MEIKIN: variants seen among roughly 807,000 people sequenced by gnomAD.
The protein encoded by MEIKIN is meiosis-specific kinetochore protein.
chr5:131,930,966 G>A (rs1278400917), intron 5 of MEIKIN, among the ~76,000 whole-genome samples: 1 of 152,116 alleles, frequency 6.6e-6, no homozygotes, highest in Admixed American at 6.5e-5. Flanking sequence ...CCATTTCATT[G>A]GGGTCAGTTT....
chr5:131,849,094 G>A lies in MEIKIN; in HGVS notation c.975+2170C>T, dbSNP rs1750066114. Among the ~76,000 whole-genome samples, 5 of 152,296 alleles carry A rather than the reference G, an allele frequency of 3.3e-5. No individual in the cohort carries two copies. In the South Asian group the frequency reaches 1.0e-3, roughly 32 times the overall value. On this transcript the variant is annotated intron_variant, in intron 11 of 12. Transcript: ENST00000442687. ...AAAGCCATTGATACGGTTTGGATTT[G>A]TGTCCCTGCCCAAATCTCATGTGAA...
intron 8 of MEIKIN, among the ~76,000 whole-genome samples, chr5:131,893,465 C>A (rs778274521): frequency 1.1e-4 from 17 of 152,192 alleles, no homozygotes; most frequent in South Asian, 8.3e-4. Context: ...GTGGGAGCGA[C>A]CCGATATTCC....
intron 11 of MEIKIN, among the ~76,000 whole-genome samples, chr5:131,848,890 G>C (rs1250486253): frequency 6.6e-6 from 1 of 152,078 alleles, no homozygotes; most frequent in African/African-American, 2.4e-5. Flanking sequence ...CAATGTTTCT[G>C]CTTAATTTGG....
intron 8 of MEIKIN, among the ~76,000 whole-genome samples, chr5:131,911,347 T>C (rs534358774): frequency 6.6e-6 from 1 of 152,100 alleles, no homozygotes; most frequent in African/African-American, 2.4e-5. Flanking sequence ...TATAGAAAAA[T>C]ATGAGATACA....
intron 8 of MEIKIN, among the ~76,000 whole-genome samples, chr5:131,886,231 CAG>C (rs546908205): frequency 5.4e-4 from 82 of 152,140 alleles, no homozygotes; most frequent in African/African-American, 1.7e-3. Context: ...GAGAAAAAGA[CAG>C]GGGCAGAAAG....
intron 10 of MEIKIN, among the ~76,000 whole-genome samples, chr5:131,852,451 C>T (rs180995053): frequency 6.6e-6 from 1 of 152,218 alleles, no homozygotes; most frequent in East Asian, 1.9e-4. Context: ...GTCTTTATAG[C>T]AGTGTGGAAA....
intron 8 of MEIKIN, among the ~76,000 whole-genome samples, chr5:131,889,197 CT>C (rs1750861213): frequency 6.6e-6 from 1 of 152,122 alleles, no homozygotes; most frequent in Non-Finnish European, 1.5e-5. Flanking sequence ...AATGCAGGCT[CT>C]TTTTTGGTTC....
chr5:131,809,952 C>T (rs1772922539), intron 12 of MEIKIN, among the ~76,000 whole-genome samples: 2 of 152,176 alleles, frequency 1.3e-5, no homozygotes, highest in Non-Finnish European at 2.9e-5. Context: ...ATGTCACACT[C>T]TTTACAAAGA....
intron 5 of MEIKIN, among the ~76,000 whole-genome samples, chr5:131,931,396 A>G (rs765295607): frequency 3.3e-5 from 5 of 152,162 alleles, no homozygotes; most frequent in Non-Finnish European, 5.9e-5. Context: ...TTTGTGTCCT[A>G]GACCAAATTG....
At chr5:131,911,128 T>C (rs1046975523) in intron 8 of MEIKIN, among the ~76,000 whole-genome samples, 4 of 152,140 alleles carry the variant, frequency 2.6e-5, no homozygotes, top group African/African-American at 9.7e-5. Flanking sequence ...CTAGACTAAT[T>C]TTGCTTAGAA....
chr5:131,890,309 A>G (rs752358843), intron 8 of MEIKIN, among the ~76,000 whole-genome samples: 91 of 152,270 alleles, frequency 6.0e-4, no homozygotes, highest in African/African-American at 2.0e-3. Flanking sequence ...GGTAGAATTC[A>G]GCTGTGAATC....
At chr5:131,901,774 A>C (rs191453004) in intron 8 of MEIKIN, among the ~76,000 whole-genome samples, 172 of 152,230 alleles carry the variant, frequency 1.1e-3, no homozygotes, top group Non-Finnish European at 2.8e-4. Context: ...AAACCAGTTG[A>C]CTGAACCCAC....
At chr5:131,941,864 A>T (rs1416421478) in intron 4 of MEIKIN, among the ~76,000 whole-genome samples, 2 of 151,480 alleles carry the variant, frequency 1.3e-5, no homozygotes, top group East Asian at 3.9e-4. Context: ...CATCTTTGAC[A>T]CCTCCATCTC....
At chr5:131,844,278 C>T (rs910189132) in intron 11 of MEIKIN, among the ~76,000 whole-genome samples, 1 of 152,176 alleles carries the variant, frequency 6.6e-6, no homozygotes, top group Middle Eastern at 3.4e-3. Flanking sequence ...CCAGACTTAC[C>T]CTTTCACCTA....
rs191059081 is a variant in MEIKIN at position 131,849,962 on chromosome 5, T to G, written c.975+1302A>C. Among the ~76,000 whole-genome samples, 4 of 151,132 alleles carry G rather than the reference T, an allele frequency of 2.6e-5. No individual in the cohort carries two copies. In the East Asian group the frequency reaches 7.8e-4, roughly 29 times the overall value. On this transcript the variant is annotated intron_variant, in intron 11 of 12. Coordinates refer to ENST00000442687, the MANE Select transcript of MEIKIN (RefSeq NM_001303622.2). ...TTAAAAATTATTAGAATAAATGAAT[T>G]CAGCAAATTAACAGGACACAAAGTC...
Position 131,850,494 on chromosome 5 carries a change from T to C in MEIKIN, c.975+770A>G, listed in dbSNP as rs571403245. Reference sequence around the variant, plus strand: ...ACATAAAGACAGACATATAGATCAATGGAATAGAGAACTCAGGAATAAACC... The same window carrying C: ...ACATAAAGACAGACATATAGATCAACGGAATAGAGAACTCAGGAATAAACC... On this transcript the variant is annotated intron_variant, in intron 11 of 12. Coordinates refer to ENST00000442687, the MANE Select transcript of MEIKIN (RefSeq NM_001303622.2). Among the ~76,000 whole-genome samples the C allele has an allele frequency of 2.1e-4, 32 of 152,214 alleles. 1 individual carries two copies. In the South Asian group the frequency reaches 5.8e-3, roughly 28 times the overall value.
At chr5:131,907,872 A>AAAAT (rs984618005) in intron 8 of MEIKIN, among the ~76,000 whole-genome samples, 9 of 152,222 alleles carry the variant, frequency 5.9e-5, no homozygotes, top group East Asian at 1.9e-4. Context: ...ACTCCGTCTC[A>AAAAT]AAATAAATAA....
intron 7 of MEIKIN, among the ~76,000 whole-genome samples, chr5:131,914,584 A>G (rs1751384666): frequency 2.7e-5 from 1 of 36,476 alleles, no homozygotes; most frequent in Non-Finnish European, 6.5e-5. Context: ...AGGGAAGGGA[A>G]GGGAAGGGAA....
chr5:131,847,279 CAT>C (rs562445825), intron 11 of MEIKIN, among the ~76,000 whole-genome samples: 26 of 152,072 alleles, frequency 1.7e-4, no homozygotes, highest in African/African-American at 6.0e-4. Context: ...GGATAAAAAA[CAT>C]ATGCTATATG....
Sources: allele counts gnomAD v4.1 joint callset (sites outside exome capture counted in the v4.1 genomes callset), GRCh38; gene constraint gnomAD v4.1.1; transcripts MANE v1.5; gene names NCBI Gene and HGNC (gene_info 2026-07-23, HGNC 2026-07-21).